ADAMTSL1: variants seen among roughly 807,000 people sequenced by gnomAD.
The protein encoded by ADAMTSL1 is ADAMTS-like protein 1.
Under a neutral mutation model 201.8 loss-of-function variants are expected in ADAMTSL1, and 126 were observed. The observed-to-expected ratio is 0.62, with a 90% CI of 0.54 to 0.72. The LOEUF (loss-of-function observed/expected upper bound fraction) is 0.72, where lower values mean the gene tolerates loss of function less well. Ranked by LOEUF, ADAMTSL1 falls within the 30% of genes least tolerant of loss-of-function variation. The pLI is 0.00. For missense variants in ADAMTSL1, 2,679 were observed against 2,277.8 expected, an observed-to-expected ratio of 1.18 and a Z score of -3.59; for synonymous variants, 1,121 against 903.4, an observed-to-expected ratio of 1.24 and a Z score of -4.32.
intron 2 of ADAMTSL1, among the ~76,000 whole-genome samples, chr9:18,434,506 C>T (rs1247730189): frequency 1.3e-5 from 2 of 152,006 alleles, no homozygotes; most frequent in African/African-American, 4.8e-5. Flanking sequence ...AGGTGGGACA[C>T]ATGAGAACAG....
intron 2 of ADAMTSL1, among the ~76,000 whole-genome samples, chr9:18,322,799 T>C (rs1586893728): frequency 6.6e-6 from 1 of 152,344 alleles, no homozygotes; most frequent in East Asian, 1.9e-4. Context: ...TCAACAACTT[T>C]ATGCCAATAA....
At chr9:18,829,432 C>A (rs1824835144) in intron 22 of ADAMTSL1, among the ~76,000 whole-genome samples, 1 of 152,186 alleles carries the variant, frequency 6.6e-6, no homozygotes, top group Admixed American at 6.5e-5. Flanking sequence ...ATTCTGAAGA[C>A]TGTTACTAGA....
At chr9:18,542,855 C>T (rs1055893021) in intron 3 of ADAMTSL1, among the ~76,000 whole-genome samples, 9 of 152,102 alleles carry the variant, frequency 5.9e-5, no homozygotes, top group Non-Finnish European at 1.2e-4. Flanking sequence ...CTTTGAAATT[C>T]CAAAGATCAG....
intron 2 of ADAMTSL1, among the ~76,000 whole-genome samples, chr9:18,165,318 G>A (rs1337987026): frequency 6.6e-6 from 1 of 151,930 alleles, no homozygotes; most frequent in East Asian, 1.9e-4. Flanking sequence ...TCATAAACAA[G>A]TCTAATTATT....
chr9:18,439,773 T>C (rs1414033170), intron 2 of ADAMTSL1, among the ~76,000 whole-genome samples: 3 of 152,246 alleles, frequency 2.0e-5, no homozygotes, highest in Non-Finnish European at 4.4e-5. Context: ...CAGTACTTAT[T>C]GGAGGAATGT....
intron 1 of ADAMTSL1, 53 bp downstream of exon 1, chr9:18,474,348 G>C: frequency 6.3e-7 from 1 of 1,579,492 alleles, no homozygotes. Flanking sequence ...TCTGGGTGCT[G>C]TTGGGGGTGT....
At chr9:18,828,926 C>T (rs568692320) in intron 22 of ADAMTSL1, among the ~76,000 whole-genome samples, 1 of 151,836 alleles carries the variant, frequency 6.6e-6, no homozygotes, top group African/African-American at 2.4e-5. Context: ...TTGAAATGAC[C>T]ATCCATTTCA....
intron 23 of ADAMTSL1, among the ~76,000 whole-genome samples, chr9:18,858,250 G>A (rs1826991457): frequency 6.6e-6 from 1 of 151,778 alleles, no homozygotes; most frequent in South Asian, 2.1e-4. Context: ...ACTTTCTTAT[G>A]CGATCAAGCC....
chr9:18,290,781 G>GTTTTTTTTTGTTTTTTTT (rs1587482001), intron 2 of ADAMTSL1, among the ~76,000 whole-genome samples: 9 of 135,068 alleles, frequency 6.7e-5, no homozygotes, highest in Non-Finnish European at 9.4e-5. Flanking sequence ...TTTTTTGTGT[G>GTTTTTTTTTGTTTTTTTT]TTTTTTTTTT....
chr9:18,769,427 A>C (rs1481937573), intron 16 of ADAMTSL1, among the ~76,000 whole-genome samples: 2 of 152,252 alleles, frequency 1.3e-5, no homozygotes, highest in African/African-American at 4.8e-5. Context: ...ACCACAGAGT[A>C]GTCGTGGGTT....
intron 1 of ADAMTSL1, among the ~76,000 whole-genome samples, chr9:18,151,463 C>T (rs1055418907): frequency 2.0e-5 from 3 of 151,964 alleles, no homozygotes; most frequent in African/African-American, 7.2e-5. Flanking sequence ...GTTTTCATTA[C>T]CTACTAAGTA....
At chr9:18,429,410 G>A (rs1319146863) in intron 2 of ADAMTSL1, among the ~76,000 whole-genome samples, 1 of 152,102 alleles carries the variant, frequency 6.6e-6, no homozygotes, top group African/African-American at 2.4e-5. Flanking sequence ...TCTCTGTTTG[G>A]GTATTGGGAT....
chr9:17,995,261 C>T (rs569721840), intron 1 of ADAMTSL1, among the ~76,000 whole-genome samples: 8 of 152,136 alleles, frequency 5.3e-5, no homozygotes, highest in South Asian at 2.1e-4. Context: ...ACACTGTGAC[C>T]TCACTGTTCC....
intron 2 of ADAMTSL1, among the ~76,000 whole-genome samples, chr9:18,295,239 A>T (rs1833431083): frequency 6.6e-6 from 1 of 152,140 alleles, no homozygotes; most frequent in Non-Finnish European, 1.5e-5. Flanking sequence ...CTTTACCGAG[A>T]GGTCACAGTG....
chr9:18,837,895 G>A (rs982239721), intron 23 of ADAMTSL1, among the ~76,000 whole-genome samples: 8 of 152,234 alleles, frequency 5.3e-5, no homozygotes, highest in Non-Finnish European at 7.4e-5. Context: ...TATGGGAGTC[G>A]TGACATATTC....
At chr9:18,541,369 A>T (rs1468794469) in intron 3 of ADAMTSL1, among the ~76,000 whole-genome samples, 1 of 151,976 alleles carries the variant, frequency 6.6e-6, no homozygotes, top group Non-Finnish European at 1.5e-5. Context: ...AATTATCTTG[A>T]TGTTGTGGTG....
At chr9:18,896,148 T>TGAAA (rs1426748842) in intron 26 of ADAMTSL1, among the ~76,000 whole-genome samples, 1 of 152,180 alleles carries the variant, frequency 6.6e-6, no homozygotes, top group African/African-American at 2.4e-5. Context: ...AGAAAGGAGT[T>TGAAA]GAAAGATTAT....
chr9:18,564,417 G>T (rs560246347), intron 3 of ADAMTSL1, among the ~76,000 whole-genome samples: 1 of 152,294 alleles, frequency 6.6e-6, no homozygotes, highest in East Asian at 1.9e-4. Flanking sequence ...CTTCTATGTT[G>T]ATCTCGCTGG....
At chr9:17,963,358 G>A (rs1207808002) in intron 1 of ADAMTSL1, among the ~76,000 whole-genome samples, 2 of 152,122 alleles carry the variant, frequency 1.3e-5, no homozygotes, top group African/African-American at 4.8e-5. Context: ...CTAGATATTA[G>A]ACTGTGGACA....
Sources: gnomAD v4.1 joint callset for allele counts (sites outside exome capture counted in the v4.1 genomes callset) on GRCh38, gnomAD v4.1.1 for gene constraint, MANE v1.5 for transcripts, NCBI Gene and HGNC (gene_info 2026-07-23, HGNC 2026-07-21) for gene names.